Variants in GRM7 observed in about 807,000 individuals in gnomAD.
GRM7 encodes the protein glutamate metabotropic receptor 7, also known as metabotropic glutamate receptor 7.
A neutral mutation model predicts 84.5 loss-of-function variants in GRM7; 35 were observed. That is an observed-to-expected ratio of 0.41 (90% CI 0.32 to 0.55). The LOEUF (loss-of-function observed/expected upper bound fraction) is 0.55, where lower values mean the gene tolerates loss of function less well. Ranked by LOEUF, GRM7 falls within the 20% of genes least tolerant of loss-of-function variation. GRM7 has a pLI of 0.19. For missense variants in GRM7, 1,003 were observed against 1,194.6 expected, an observed-to-expected ratio of 0.84 and a Z score of 2.36; for synonymous variants, 487 against 455.1, an observed-to-expected ratio of 1.07 and a Z score of -0.89.
At chr3:7,677,261 TTAAAAAAAAAAAA>T (rs1700162188) in intron 8 of GRM7, among the ~76,000 whole-genome samples, 1 of 103,402 alleles carries the variant, frequency 9.7e-6, no homozygotes, top group Non-Finnish European at 1.8e-5. Context: ...GACTCTGTCT[TTAAAAAAAAAAAA>T]AAAAAAAAAA....
At chr3:7,394,318 A>G (rs977125028) in intron 4 of GRM7, among the ~76,000 whole-genome samples, 1 of 152,226 alleles carries the variant, frequency 6.6e-6, no homozygotes, top group Admixed American at 6.5e-5. Context: ...CTCGTTCACA[A>G]AGATACTGTA....
chr3:7,121,896 G>T (rs1019545488), intron 1 of GRM7, among the ~76,000 whole-genome samples: 1 of 152,156 alleles, frequency 6.6e-6, no homozygotes, highest in Non-Finnish European at 1.5e-5. Flanking sequence ...TCGTGAATGG[G>T]TGAAAGTCAT....
intron 2 of GRM7, among the ~76,000 whole-genome samples, chr3:7,260,848 G>A (rs1331718352): frequency 6.6e-6 from 1 of 152,138 alleles, no homozygotes; most frequent in African/African-American, 2.4e-5. Flanking sequence ...TTTTAACGTG[G>A]GTGTTTAATG....
At chr3:6,871,370 T>C (rs997156223) in intron 1 of GRM7, among the ~76,000 whole-genome samples, 3 of 152,138 alleles carry the variant, frequency 2.0e-5, no homozygotes, top group African/African-American at 7.2e-5. Context: ...TCATTAAACT[T>C]AGTTGAAAAT....
chr3:6,967,212 A>G (rs1262954390), intron 1 of GRM7, among the ~76,000 whole-genome samples: 1 of 152,088 alleles, frequency 6.6e-6, no homozygotes, highest in Non-Finnish European at 1.5e-5. Flanking sequence ...TTTTGGAGAC[A>G]GAGTCTGGCT....
At chr3:6,998,970 T>A (rs914318945) in intron 1 of GRM7, among the ~76,000 whole-genome samples, 1 of 152,220 alleles carries the variant, frequency 6.6e-6, no homozygotes, top group Non-Finnish European at 1.5e-5. Context: ...GCCTTGGTGA[T>A]TAACATTTGG....
At chr3:7,285,218 A>G (rs1280908658) in intron 2 of GRM7, among the ~76,000 whole-genome samples, 1 of 152,210 alleles carries the variant, frequency 6.6e-6, no homozygotes, top group African/African-American at 2.4e-5. Flanking sequence ...CTCCTAACTT[A>G]GACCAACAAA....
chr3:6,930,622 T>G (rs527690044), intron 1 of GRM7, among the ~76,000 whole-genome samples: 11 of 151,798 alleles, frequency 7.2e-5, no homozygotes, highest in African/African-American at 2.7e-4. Context: ...GTTCACCCAA[T>G]GCAGGTGGGG....
intron 2 of GRM7, among the ~76,000 whole-genome samples, chr3:7,265,509 A>G (rs1026040844): frequency 6.6e-6 from 1 of 152,178 alleles, no homozygotes; most frequent in African/African-American, 2.4e-5. Flanking sequence ...AGAGGACTGT[A>G]AGTGATGTCA....
At position 7,357,905 on chromosome 3, in the gene GRM7, C is replaced by A. The variant is rs1435273048; in HGVS notation, c.1033+51253C>A. Among the ~76,000 whole-genome samples, 7 of 151,940 alleles carry A rather than the reference C, an allele frequency of 4.6e-5. No homozygotes were observed. In the South Asian group the frequency reaches 1.2e-3, roughly 27 times the overall value. ...TTATTTTTAGCTATGGAAAAAAAAACCCACTTCCAATCCAATAGCCCAATA... is the reference window on the plus strand; with the variant it reads ...TTATTTTTAGCTATGGAAAAAAAAAACCACTTCCAATCCAATAGCCCAATA... On this transcript the variant is annotated intron_variant, in intron 4 of 9. Transcript: ENST00000357716.
At chr3:7,290,914 T>C (rs1699597162) in intron 2 of GRM7, among the ~76,000 whole-genome samples, 1 of 152,068 alleles carries the variant, frequency 6.6e-6, no homozygotes, top group Non-Finnish European at 1.5e-5. Context: ...GAACCCTGTA[T>C]CTTAACTCTC....
At chr3:7,418,952 T>C (rs916359436) in intron 5 of GRM7, among the ~76,000 whole-genome samples, 2 of 152,188 alleles carry the variant, frequency 1.3e-5, no homozygotes, top group African/African-American at 2.4e-5. Flanking sequence ...ACATTCAAAA[T>C]TGTTGAGTGG....
At chr3:7,109,196 A>G (rs1692759273) in intron 1 of GRM7, among the ~76,000 whole-genome samples, 1 of 152,046 alleles carries the variant, frequency 6.6e-6, no homozygotes, top group African/African-American at 2.4e-5. Context: ...GTTGATCATT[A>G]TGTCTAATTG....
At chr3:6,898,830 A>AC (rs909536984) in intron 1 of GRM7, among the ~76,000 whole-genome samples, 1 of 151,810 alleles carries the variant, frequency 6.6e-6, no homozygotes, top group Non-Finnish European at 1.5e-5. Flanking sequence ...AAAAACAAAA[A>AC]AAAAAAATGA....
Position 6,861,889 on chromosome 3 carries a change from C to T in GRM7, c.501C>T (p.Asn167=). 6.2e-7 allele frequency: 1 copy of T among 1,610,470 alleles called. No homozygotes were observed. ...GTTCGGTCTCCATCATGGTAGCCAA[C>T]ATCCTGAGGCTCTTCCAGGTAGGGA... The part of the protein sequence containing the change: ...SGSSVSIMVA[N]ILRLFQIPQI... The change falls in exon 1 of 10, where the codon AAC becomes AAT. Residue 167 remains asparagine, a synonymous_variant. Coordinates refer to ENST00000357716, the MANE Select transcript of GRM7 (RefSeq NM_000844.4). This position sits in a 1 kb window ranked among gnomAD's most constrained non-coding sequence, Gnocchi z 6.4.
intron 8 of GRM7, among the ~76,000 whole-genome samples, chr3:7,611,885 C>G (rs1209908707): frequency 6.6e-6 from 1 of 152,100 alleles, no homozygotes; most frequent in East Asian, 1.9e-4. Context: ...ATACAAAAAT[C>G]ATACATGTTT....
rs116177579 is a variant in GRM7 at position 6,972,860 on chromosome 3, C to G, written c.519+110953C>G. On this transcript the variant is annotated intron_variant, in intron 1 of 9. Coordinates refer to ENST00000357716, the MANE Select transcript of GRM7 (RefSeq NM_000844.4). ...TAGGGCTAACAGCTGAGGCCATTAG[C>G]AAACCACACTCTCACAGCTGGGCAG... is the stretch of plus-strand genomic sequence containing the variant. Among the ~76,000 whole-genome samples the G allele has an allele frequency of 1.4e-3, 212 of 152,308 alleles. 2 individuals carry two copies. Among genetic ancestry groups the G allele is most frequent in the African/African-American group, 5.0e-3 (206 of 41,566 alleles).
Position 7,057,336 on chromosome 3 carries a change from T to A in GRM7, c.520-89116T>A, listed in dbSNP as rs181943175. Among the ~76,000 whole-genome samples, 541 of 152,112 alleles carry A rather than the reference T, an allele frequency of 3.6e-3. 3 individuals carry two copies. Among genetic ancestry groups the A allele is most frequent in the Middle Eastern group, 0.01 (3 of 294 alleles). ...TACATATCTTTTGTTTTATAGATCA[T>A]CCTTTTTTCAACTAACCTATTCTAA... On this transcript the variant is annotated intron_variant, in intron 1 of 9. Transcript: ENST00000357716.
At chr3:7,062,634 G>A (rs1353100273) in intron 1 of GRM7, among the ~76,000 whole-genome samples, 3 of 151,686 alleles carry the variant, frequency 2.0e-5, no homozygotes, top group Admixed American at 6.6e-5. Context: ...GTGATAATGA[G>A]CAGTGGAAAA....
Sources: gnomAD v4.1 joint callset for allele counts (sites outside exome capture counted in the v4.1 genomes callset) on GRCh38, gnomAD v4.1.1 for gene constraint, Gnocchi (gnomAD v3.1) non-coding constraint, MANE v1.5 for transcripts, NCBI Gene and HGNC (gene_info 2026-07-23, HGNC 2026-07-21) for gene names.